Variants in RIMS2 observed in about 807,000 individuals in gnomAD.
The protein encoded by RIMS2 is regulating synaptic membrane exocytosis protein 2.
In RIMS2, 59 loss-of-function variants were observed where a neutral mutation model predicts 174.4. The observed-to-expected ratio is 0.34, with a 90% CI of 0.27 to 0.42. The LOEUF is 0.42. RIMS2 is among the 10% of genes least tolerant of loss of function. The pLI, the probability that RIMS2 is intolerant of heterozygous loss-of-function variation, is 1.00. For missense variants in RIMS2, 1,620 were observed against 1,666.3 expected (o/e 0.97, Z 0.48); for synonymous variants, 606 against 572.5 (o/e 1.06, Z -0.84).
At chr8:103,769,630 A>G (rs1222616291) in intron 3 of RIMS2, among the ~76,000 whole-genome samples, 62 of 146,322 alleles carry the variant, frequency 4.2e-4, no homozygotes, top group Non-Finnish European at 6.2e-5. Flanking sequence ...CCGGTTGCCT[A>G]TCTGTAATCT....
chr8:103,537,047 G>A (rs549805146), intron 1 of RIMS2, among the ~76,000 whole-genome samples: 22 of 152,324 alleles, frequency 1.4e-4, no homozygotes, highest in African/African-American at 4.8e-4. Flanking sequence ...AGGCACTGGG[G>A]ATACATAGAT....
intron 2 of RIMS2, among the ~76,000 whole-genome samples, chr8:103,758,898 C>T (rs1460913642): frequency 1.3e-5 from 2 of 152,084 alleles, no homozygotes; most frequent in Non-Finnish European, 2.9e-5. Context: ...TGGTAAAACT[C>T]ACTATAATTT....
chr8:104,199,219 G>A (rs1376465948), intron 19 of RIMS2, among the ~76,000 whole-genome samples: 2 of 151,802 alleles, frequency 1.3e-5, no homozygotes, highest in South Asian at 2.1e-4. Flanking sequence ...CCGCCACCAC[G>A]CCCGGCTAAT....
chr8:104,151,233 A>C (rs1336774266), intron 19 of RIMS2, among the ~76,000 whole-genome samples: 1 of 152,194 alleles, frequency 6.6e-6, no homozygotes, highest in Non-Finnish European at 1.5e-5. Context: ...TCTGACTTGC[A>C]TCACTGAGTG....
chr8:104,156,275 CCT>C (rs1195877058), intron 19 of RIMS2, among the ~76,000 whole-genome samples: 5 of 151,428 alleles, frequency 3.3e-5, no homozygotes, highest in Non-Finnish European at 7.4e-5. Context: ...GCCTTAGAGC[CCT>C]CTCTCTTCAG....
At chr8:103,613,030 A>T (rs2095421669) in intron 1 of RIMS2, among the ~76,000 whole-genome samples, 1 of 152,128 alleles carries the variant, frequency 6.6e-6, no homozygotes, top group Non-Finnish European at 1.5e-5. Context: ...ATTGGGTCTT[A>T]CTTAAGTCCC....
intron 19 of RIMS2, among the ~76,000 whole-genome samples, chr8:104,217,616 A>C (rs189148207): frequency 3.3e-5 from 5 of 152,168 alleles, no homozygotes; most frequent in Non-Finnish European, 7.3e-5. Flanking sequence ...TTTCGGGTCG[A>C]CCAGCTACTG....
intron 1 of RIMS2, among the ~76,000 whole-genome samples, chr8:103,687,366 ATTT>A (rs36052983): frequency 6.8e-6 from 1 of 148,076 alleles, no homozygotes; most frequent in East Asian, 2.0e-4. Flanking sequence ...AATTTTAGTG[ATTT>A]TTTTTTTCTT....
intron 3 of RIMS2, among the ~76,000 whole-genome samples, chr8:103,779,637 G>A (rs2098362256): frequency 6.6e-6 from 1 of 151,318 alleles, no homozygotes; most frequent in Non-Finnish European, 1.5e-5. Context: ...ATCATTCTGA[G>A]CAAACTATTG....
chr8:103,906,109 A>T, intron 4 of RIMS2, among the ~76,000 whole-genome samples: 1 of 152,342 alleles, frequency 6.6e-6, no homozygotes, highest in East Asian at 1.9e-4. Context: ...CTATAATAAT[A>T]GTCTTAATAG....
chr8:103,857,172 A>C (rs2099032588), intron 3 of RIMS2, among the ~76,000 whole-genome samples: 1 of 152,224 alleles, frequency 6.6e-6, no homozygotes, highest in African/African-American at 2.4e-5. Context: ...CTTGATGGAT[A>C]AGAAATCAGA....
chr8:104,211,216 A>G (rs2099103866), intron 19 of RIMS2, among the ~76,000 whole-genome samples: 3 of 152,232 alleles, frequency 2.0e-5, no homozygotes, highest in Admixed American at 2.0e-4. Context: ...AGAATAAAAT[A>G]TAAACAAAGA....
chr8:104,115,435 A>T (rs1277418870), intron 19 of RIMS2, among the ~76,000 whole-genome samples: 1 of 152,100 alleles, frequency 6.6e-6, no homozygotes, highest in Non-Finnish European at 1.5e-5. Context: ...TAAATCTTTA[A>T]TTATTTTTAA....
chr8:103,884,059 T>G (rs990423933), intron 3 of RIMS2, among the ~76,000 whole-genome samples: 1 of 151,858 alleles, frequency 6.6e-6, no homozygotes, highest in Non-Finnish European at 1.5e-5. Flanking sequence ...AAACCTAGAC[T>G]AACTTCTGTT....
Position 103,548,354 on chromosome 8 carries a change from T to A in RIMS2, c.176+47292T>A, listed in dbSNP as rs75211588. ...TTTATCTCTGGGATACAAGTTTTGT[T>A]CAACATATGCCAATCAATAAATGTG... On this transcript the variant is annotated intron_variant, in intron 1 of 23. Transcript: ENST00000504942. Among the ~76,000 whole-genome samples, 3 of 152,188 alleles carry A rather than the reference T, an allele frequency of 2.0e-5. No homozygotes were observed. The East Asian group carries it at 5.8e-4, about 29-fold the overall frequency.
intron 1 of RIMS2, 30 bp from the exon 2 acceptor site, chr8:103,652,175 G>A: frequency 7.8e-7 from 1 of 1,288,822 alleles, no homozygotes; most frequent in Non-Finnish European, 1.0e-6. Flanking sequence ...ATAGTACAGT[G>A]CACTCAGTTG....
chr8:103,573,401 G>A (rs2092982394), intron 1 of RIMS2, among the ~76,000 whole-genome samples: 1 of 152,146 alleles, frequency 6.6e-6, no homozygotes, highest in South Asian at 2.1e-4. Flanking sequence ...TTTGAATATG[G>A]TCACAGTTAG....
intron 1 of RIMS2, among the ~76,000 whole-genome samples, chr8:103,622,702 C>T (rs768900894): frequency 1.3e-5 from 2 of 152,144 alleles, no homozygotes; most frequent in African/African-American, 2.4e-5. Context: ...AGTATATCTG[C>T]CTTATTTGAT....
intron 1 of RIMS2, among the ~76,000 whole-genome samples, chr8:103,690,043 G>A (rs370082571): frequency 3.3e-5 from 5 of 150,276 alleles, no homozygotes; most frequent in East Asian, 4.0e-4. Flanking sequence ...TCACTGCAGC[G>A]TCTGCTTCCT....
Sources: gnomAD v4.1 joint callset for allele counts (sites outside exome capture counted in the v4.1 genomes callset) on GRCh38, gnomAD v4.1.1 for gene constraint, MANE v1.5 for transcripts, NCBI Gene and HGNC (gene_info 2026-07-23, HGNC 2026-07-21) for gene names.